Variants in MFSD6 observed in about 807,000 individuals in gnomAD.
MFSD6 encodes the protein major facilitator superfamily domain-containing protein 6.
In MFSD6, 26 loss-of-function variants were observed where a neutral mutation model predicts 56.3. That is an observed-to-expected ratio of 0.46 (90% CI 0.34 to 0.64). The LOEUF is 0.64. Among genes scored for constraint, MFSD6 ranks in the 30% least tolerant of loss-of-function variants. The probability of loss-of-function intolerance (pLI) is 0.01; values close to 1 mark genes in which losing one functional copy is unlikely to be tolerated. For synonymous variants in MFSD6, 331 were observed against 366.9 expected, an observed-to-expected ratio of 0.90 and a Z score of 1.12; for missense variants, 750 against 986.2, an observed-to-expected ratio of 0.76 and a Z score of 3.21.
In MFSD6 at chr2:190,436,022, G is replaced by A; in HGVS notation, c.-8G>A. ...AGTTTGTAAACTTGCTGATGGTGGT[G>A]GTAAGCCATGGCAGATGATAAAGTT... is the stretch of plus-strand genomic sequence containing the variant. On this transcript the variant is annotated 5_prime_UTR_variant, in exon 3 of 8. Transcript: ENST00000392328. This position sits in a 1 kb window ranked among gnomAD's most constrained non-coding sequence, Gnocchi z 5.3. 2.5e-6 allele frequency: 4 copies of A among 1,599,494 alleles called. No individual in the cohort carries two copies. In the East Asian group the frequency reaches 6.7e-5, roughly 27 times the overall value.
intron 2 of MFSD6, among the ~76,000 whole-genome samples, chr2:190,428,961 C>T (rs549643700): frequency 6.6e-6 from 1 of 152,204 alleles, no homozygotes; most frequent in South Asian, 2.1e-4. Context: ...GTGTGAGCCA[C>T]CATGCCCAGC....
At chr2:190,475,488 G>A (rs1011323461) in intron 4 of MFSD6, among the ~76,000 whole-genome samples, 4 of 152,034 alleles carry the variant, frequency 2.6e-5, no homozygotes, top group African/African-American at 9.7e-5. Flanking sequence ...AAAATACCTA[G>A]GAATCCAACT....
At position 190,439,177 on chromosome 2, in the gene MFSD6, A is replaced by C. The variant is rs1029727622; in HGVS notation, c.1532+1616A>C. On this transcript the variant is annotated intron_variant, in intron 3 of 7. Transcript: ENST00000392328. This position sits in a 1 kb window ranked among gnomAD's most constrained non-coding sequence, Gnocchi z 5.8. Reference sequence around the variant, plus strand: ...TGCCTCCCTTCAGCTTGGGCAGATGAGCAAATCTCACTGCAGTTAATAATG... The same window carrying C: ...TGCCTCCCTTCAGCTTGGGCAGATGCGCAAATCTCACTGCAGTTAATAATG... 6.6e-6 allele frequency among the ~76,000 whole-genome samples: 1 copy of C among 151,884 alleles called. No homozygotes were observed. The highest frequency in any genetic ancestry group is 6.6e-5 in the Admixed American group (1 of 15,242).
rs987504778 is a variant in MFSD6, at chr2:190,443,872, T to A, written c.1532+6311T>A. Among the ~76,000 whole-genome samples the A allele has an allele frequency of 3.3e-5, 5 of 152,112 alleles. No homozygotes were observed. Among genetic ancestry groups the A allele is most frequent in the African/African-American group, 1.2e-4 (5 of 41,398 alleles). On this transcript the variant is annotated intron_variant, in intron 3 of 7. Transcript: ENST00000392328. The surrounding 1 kb of genome is among the most constrained non-coding windows in gnomAD (Gnocchi z 4.2). Reference sequence around the variant, plus strand: ...GAGTTCGAGATCAGCCTGGGCAACATGGTGAGACCTTGTCTCTACAAAAAA... The same window carrying A: ...GAGTTCGAGATCAGCCTGGGCAACAAGGTGAGACCTTGTCTCTACAAAAAA...
chr2:190,475,159 C>G (rs1369310280), intron 4 of MFSD6, among the ~76,000 whole-genome samples: 1 of 152,160 alleles, frequency 6.6e-6, no homozygotes, highest in African/African-American at 2.4e-5. Flanking sequence ...TGACACAAGA[C>G]AGGGATGCCC....
At position 190,498,482 on chromosome 2, in the gene MFSD6, G is replaced by C. The variant is rs577281910; in HGVS notation, c.2172+763G>C. 2.9e-4 allele frequency among the ~76,000 whole-genome samples: 44 copies of C among 152,290 alleles called. No homozygotes were observed. In the South Asian group the frequency reaches 8.7e-3, roughly 30 times the overall value. On this transcript the variant is annotated intron_variant, in intron 7 of 7. Coordinates refer to ENST00000392328, the MANE Select transcript of MFSD6 (RefSeq NM_017694.4). This position sits in a 1 kb window ranked among gnomAD's most constrained non-coding sequence, Gnocchi z 5.9. ...GGTCATTTGAGTAATTCCCCTTTCAGAAAATTTGTTGAACTGTTAATTAAT... is the reference window on the plus strand; with the variant it reads ...GGTCATTTGAGTAATTCCCCTTTCACAAAATTTGTTGAACTGTTAATTAAT...
chr2:190,487,533 A>G lies in MFSD6; in HGVS notation c.1631-1124A>G, dbSNP rs915875116. On this transcript the variant is annotated intron_variant, in intron 4 of 7. Coordinates refer to ENST00000392328, the MANE Select transcript of MFSD6 (RefSeq NM_017694.4). This position sits in a 1 kb window ranked among gnomAD's most constrained non-coding sequence, Gnocchi z 5.5. ...CCTAGAATGGATGAATGTCCAGAATATATAAAGAGCTCCTACAACTCAATA... is the reference window on the plus strand; with the variant it reads ...CCTAGAATGGATGAATGTCCAGAATGTATAAAGAGCTCCTACAACTCAATA... Among the ~76,000 whole-genome samples the G allele has an allele frequency of 1.3e-5, 2 of 152,220 alleles. No individual in the cohort carries two copies. The highest frequency in any genetic ancestry group is 2.9e-5 in the Non-Finnish European group (2 of 68,036).
chr2:190,410,078 C>T lies in MFSD6; in HGVS notation c.-176+1575C>T, dbSNP rs73979240. 2.7e-3 allele frequency among the ~76,000 whole-genome samples: 413 copies of T among 152,160 alleles called. 4 individuals are homozygous for T. Among genetic ancestry groups the T allele is most frequent in the African/African-American group, 9.3e-3 (385 of 41,494 alleles). On this transcript the variant is annotated intron_variant, in intron 1 of 7. Transcript: ENST00000392328. This position sits in a 1 kb window ranked among gnomAD's most constrained non-coding sequence, Gnocchi z 4.4. ...ATCTCTATACAAATAAATATAAAAG[C>T]GTGAAGGCAAATAAAACACAAAGAC...
In MFSD6 at chr2:190,410,751, A is replaced by G. The variant is rs1295912356; in HGVS notation, c.-176+2248A>G. On this transcript the variant is annotated intron_variant, in intron 1 of 7. Coordinates refer to ENST00000392328, the MANE Select transcript of MFSD6 (RefSeq NM_017694.4). This position sits in a 1 kb window ranked among gnomAD's most constrained non-coding sequence, Gnocchi z 4.4. ...TTTGCACATTGGCTGAAAAATCAAGATGCTGTATATTAAATGAAAAAAATG... is the reference window on the plus strand; with the variant it reads ...TTTGCACATTGGCTGAAAAATCAAGGTGCTGTATATTAAATGAAAAAAATG... Among the ~76,000 whole-genome samples, 1 of 152,132 alleles carries G rather than the reference A, an allele frequency of 6.6e-6. No individual in the cohort carries two copies. Among genetic ancestry groups the G allele is most frequent in the Admixed American group, 6.5e-5 (1 of 15,282 alleles).
intron 1 of MFSD6, chr2:190,411,573 C>T (rs953658486): frequency 1.0e-5 from 10 of 980,450 alleles, no homozygotes; most frequent in Middle Eastern, 5.2e-4. Context: ...AGCATGTGTT[C>T]TCTTATTATA....
intron 4 of MFSD6, among the ~76,000 whole-genome samples, chr2:190,479,411 C>A (rs991184703): frequency 6.6e-6 from 1 of 152,102 alleles, no homozygotes; most frequent in African/African-American, 2.4e-5. Context: ...GTCTACGTGC[C>A]TAAAAGCATT....
chr2:190,444,118 C>T (rs1461645404), intron 3 of MFSD6, among the ~76,000 whole-genome samples: 6 of 152,140 alleles, frequency 3.9e-5, no homozygotes, highest in Non-Finnish European at 8.8e-5. Context: ...AAATGAAGTA[C>T]TTTTATACTT....
chr2:190,436,848 C>T lies in MFSD6; in HGVS notation c.819C>T (p.Asp273=). ...CCACCACCAAATCTTTACCTTCTGA[C>T]CAAGTCATGCTTGTTTATGATCAAC... ...IVTTTKSLPS[D]QVMLVYDQQE... is the part of the protein sequence containing the mutation. The change falls in exon 3 of 8, where the codon GAC becomes GAT. Residue 273 remains aspartate, a synonymous_variant. Coordinates refer to ENST00000392328, the MANE Select transcript of MFSD6 (RefSeq NM_017694.4). The surrounding 1 kb of genome is among the most constrained non-coding windows in gnomAD (Gnocchi z 5.3). 1 of 1,614,230 alleles carries T rather than the reference C, an allele frequency of 6.2e-7. No individual in the cohort carries two copies. Among genetic ancestry groups the T allele is most frequent in the Non-Finnish European group, 8.5e-7 (1 of 1,180,038 alleles).
intron 3 of MFSD6, chr2:190,444,958 A>G (rs35151949): frequency 0.051 from 29,506 of 574,656 alleles, 930 homozygotes; most frequent in Non-Finnish European, 0.058. Flanking sequence ...ATACTGGGTA[A>G]CAAATTTAGA....
chr2:190,412,704 C>T lies in MFSD6; in HGVS notation c.-175-2588C>T. The T allele has an allele frequency of 1.2e-6, 1 of 848,806 alleles. No individual in the cohort carries two copies. Among genetic ancestry groups the T allele is most frequent in the Non-Finnish European group, 1.4e-6 (1 of 705,474 alleles). The allele number at this position is 848,806 out of a possible 1,614,324, so 52.6% of individuals were successfully genotyped here. A position where few individuals can be genotyped will look rare whatever the true frequency, so the allele number is the denominator to read the frequency against. On this transcript the variant is annotated intron_variant, in intron 1 of 7. Coordinates refer to ENST00000392328, the MANE Select transcript of MFSD6 (RefSeq NM_017694.4). The surrounding 1 kb of genome is among the most constrained non-coding windows in gnomAD (Gnocchi z 4.1). Reference sequence around the variant, plus strand: ...TAGCTGTCTGTTCCCATTTACTCTACTGGCATTTTGGGGGTGAGAGGGGCT... The same window carrying T: ...TAGCTGTCTGTTCCCATTTACTCTATTGGCATTTTGGGGGTGAGAGGGGCT...
chr2:190,421,816 A>G (rs1685627672), intron 2 of MFSD6, among the ~76,000 whole-genome samples: 1 of 152,174 alleles, frequency 6.6e-6, no homozygotes, highest in Admixed American at 6.5e-5. Flanking sequence ...CTCCCAAAAT[A>G]GTAGGATTAT....
In MFSD6 at chr2:190,495,294, A is replaced by C. The variant is rs995222783; in HGVS notation, c.1892-2145A>C. On this transcript the variant is annotated intron_variant, in intron 6 of 7. Transcript: ENST00000392328. The surrounding 1 kb of genome is among the most constrained non-coding windows in gnomAD (Gnocchi z 4.7). ...TATTTAGGAATACACCTAACCAAGG[A>C]GCTGAAAGACCTCTACAAGGAAAAC... 6.6e-6 allele frequency among the ~76,000 whole-genome samples: 1 copy of C among 152,208 alleles called. No homozygotes were observed. The highest frequency in any genetic ancestry group is 2.1e-4 in the South Asian group (1 of 4,832).
Position 190,410,939 on chromosome 2 carries a change from C to T in MFSD6, c.-176+2436C>T, listed in dbSNP as rs896785633. ...AGCGTGGTGGCGGGCGCCTGGAATC[C>T]CAGCTACTCAGGGGGCTGAGGTAGA... is the stretch of plus-strand genomic sequence containing the variant. On this transcript the variant is annotated intron_variant, in intron 1 of 7. Coordinates refer to ENST00000392328, the MANE Select transcript of MFSD6 (RefSeq NM_017694.4). This position sits in a 1 kb window ranked among gnomAD's most constrained non-coding sequence, Gnocchi z 4.4. Among the ~76,000 whole-genome samples, 2 of 151,568 alleles carry T rather than the reference C, an allele frequency of 1.3e-5. No individual in the cohort carries two copies. The highest frequency in any genetic ancestry group is 6.6e-5 in the Admixed American group (1 of 15,240).
chr2:190,497,685 G>C lies in MFSD6; in HGVS notation c.2138G>C (p.Arg713Thr), dbSNP rs762991042. The C allele has an allele frequency of 1.2e-6, 2 of 1,614,130 alleles. No individual in the cohort carries two copies. Among genetic ancestry groups the C allele is most frequent in the South Asian group, 2.2e-5 (2 of 91,068 alleles). Residue 713 changes from arginine (R) to threonine (T), a missense_variant, in exon 7 of 8, where the codon AGA becomes ACA. Arg to Thr is a moderately conservative substitution (Grantham distance 71). Around this residue, in one of 5 missense-constraint regions of MFSD6, gnomAD observed 172 missense variants for 203.9 expected, o/e 0.84. Coordinates refer to ENST00000392328, the MANE Select transcript of MFSD6 (RefSeq NM_017694.4). The surrounding 1 kb of genome is among the most constrained non-coding windows in gnomAD (Gnocchi z 5.2). ...ATTAAAGAGATGATGCAACTCACAAGAGACAACCGTGCTTCTGAGATACAG... is the reference window on the plus strand; with the variant it reads ...ATTAAAGAGATGATGCAACTCACAACAGACAACCGTGCTTCTGAGATACAG... ...YQIKEMMQLT[R>T]DNRASEIQPL...
Sources: allele counts gnomAD v4.1 joint callset (sites outside exome capture counted in the v4.1 genomes callset), GRCh38; gene constraint gnomAD v4.1.1; regional missense constraint gnomAD v4.1.1; non-coding constraint Gnocchi (gnomAD v3.1); transcripts MANE v1.5; gene names NCBI Gene and HGNC (gene_info 2026-07-23, HGNC 2026-07-21).